SOCS2: variants seen among roughly 807,000 people sequenced by gnomAD.
The protein encoded by SOCS2 is CIS-2.
In SOCS2, 10 loss-of-function variants were observed where a neutral mutation model predicts 18.6. That is an observed-to-expected ratio of 0.54 (90% CI 0.33 to 0.91). SOCS2 has a LOEUF of 0.91. Among genes scored for constraint, SOCS2 ranks in the 40% least tolerant of loss-of-function variants. The pLI is 0.02. For missense variants in SOCS2, 231 were observed against 247.2 expected, an observed-to-expected ratio of 0.93 and a Z score of 0.44; for synonymous variants, 104 against 104.0, an observed-to-expected ratio of 1.00 and a Z score of 0.00.
downstream of SOCS2, among the ~76,000 whole-genome samples, chr12:93,584,278 A>C (rs1954570233): frequency 6.6e-6 from 1 of 152,056 alleles, no homozygotes; most frequent in South Asian, 2.1e-4. Flanking sequence ...TTAGGCTGTT[A>C]CCTCTCTCCC....
downstream of SOCS2, among the ~76,000 whole-genome samples, chr12:93,587,390 A>C (rs1424326297): frequency 6.6e-6 from 1 of 151,818 alleles, no homozygotes; most frequent in Non-Finnish European, 1.5e-5. Flanking sequence ...GACTTAAAAA[A>C]TCAGTTGGTG....
chr12:93,570,497 T>C (rs748386415), upstream of SOCS2: 7 of 152,178 alleles, frequency 4.6e-5, no homozygotes, highest in Non-Finnish European at 8.8e-5. Context: ...GAGAGTCTGG[T>C]TTCCGAGGAC....
chr12:93,614,555 CT>C, the SOCS2 span, among the ~76,000 whole-genome samples: 4 of 35,330 alleles, frequency 1.1e-4, no homozygotes, highest in African/African-American at 3.7e-4. Context: ...TTCTTTCTTT[CT>C]TTCTTTCTTT....
At chr12:93,619,330 AG>A in the SOCS2 span, among the ~76,000 whole-genome samples, 1 of 152,136 alleles carries the variant, frequency 6.6e-6, no homozygotes, top group Non-Finnish European at 1.5e-5. Context: ...CACAGTCCAT[AG>A]GGGTCAGACT....
At chr12:93,584,132 G>C (rs1415327600), downstream of SOCS2, among the ~76,000 whole-genome samples, 1 of 152,176 alleles carries the variant, frequency 6.6e-6, no homozygotes, top group Non-Finnish European at 1.5e-5. Context: ...TTCCTTGTAA[G>C]GTGGGGACAG....
the SOCS2 span, among the ~76,000 whole-genome samples, chr12:93,618,672 G>T: frequency 3.9e-5 from 6 of 152,304 alleles, no homozygotes; most frequent in African/African-American, 1.4e-4. Flanking sequence ...TGATTCCTTA[G>T]GTCCCAGCTC....
the SOCS2 span, among the ~76,000 whole-genome samples, chr12:93,614,540 C>CTTCCTTCT: frequency 5.4e-5 from 2 of 37,144 alleles, no homozygotes; most frequent in Non-Finnish European, 8.9e-5. Context: ...TCCTTCCTTC[C>CTTCCTTCT]TTCTTTCTTT....
At chr12:93,618,354 T>C in the SOCS2 span, among the ~76,000 whole-genome samples, 14 of 152,188 alleles carry the variant, frequency 9.2e-5, no homozygotes, top group Admixed American at 5.9e-4. Context: ...CAGAAGATGA[T>C]AGTTTTTAAA....
downstream of SOCS2, among the ~76,000 whole-genome samples, chr12:93,587,218 A>G (rs1954589999): frequency 6.6e-6 from 1 of 152,164 alleles, no homozygotes; most frequent in Admixed American, 6.5e-5. Context: ...GAGATTCTGT[A>G]TAGCAGAGAA....
the SOCS2 span, among the ~76,000 whole-genome samples, chr12:93,615,819 C>T: frequency 1.3e-5 from 2 of 152,230 alleles, no homozygotes; most frequent in East Asian, 1.9e-4. Flanking sequence ...TGGTCTCAAA[C>T]TCCTGCCTTC....
the SOCS2 span, among the ~76,000 whole-genome samples, chr12:93,597,297 T>C: frequency 1.3e-5 from 2 of 152,184 alleles, no homozygotes; most frequent in African/African-American, 4.8e-5. Flanking sequence ...CAGCTGCTGA[T>C]TTGTTACCTA....
chr12:93,607,742 G>T, the SOCS2 span, among the ~76,000 whole-genome samples: 2 of 152,086 alleles, frequency 1.3e-5, no homozygotes, highest in Admixed American at 6.6e-5. Context: ...ATAAAAATAC[G>T]CTGTCATTTG....
the SOCS2 span, among the ~76,000 whole-genome samples, chr12:93,613,114 A>G: frequency 0.015 from 2,360 of 152,366 alleles, 62 homozygotes; most frequent in African/African-American, 0.054. Context: ...AGAAAGGGCA[A>G]TGCCAAGGAA....
intron 1 of SOCS2, 74 bp from the exon 2 acceptor site, chr12:93,574,648 C>T: frequency 9.6e-7 from 1 of 1,044,888 alleles, no homozygotes. Context: ...TTGCCAATTA[C>T]TTGCTCTGTT....
At chr12:93,572,013 G>C (rs1036513362), upstream of SOCS2, 3 of 220,904 alleles carry the variant, frequency 1.4e-5, no homozygotes, top group Non-Finnish European at 2.8e-5. The surrounding 1 kb of genome is among the most constrained non-coding windows in gnomAD (Gnocchi z 5.0). Context: ...CTGCGCGCTC[G>C]GGCCGATTCC....
downstream of SOCS2, among the ~76,000 whole-genome samples, chr12:93,577,972 G>A (rs1365770212): frequency 1.3e-5 from 2 of 152,154 alleles, no homozygotes; most frequent in African/African-American, 2.4e-5. Flanking sequence ...ATTTATTATT[G>A]TTGTTGTTGA....
chr12:93,588,070 G>A (rs1460847367), downstream of SOCS2, among the ~76,000 whole-genome samples: 2 of 152,156 alleles, frequency 1.3e-5, no homozygotes. Flanking sequence ...TAAGATGTCT[G>A]GGATCTGTGA....
chr12:93,588,762 A>G, the SOCS2 span, among the ~76,000 whole-genome samples: 1 of 152,064 alleles, frequency 6.6e-6, no homozygotes, highest in Non-Finnish European at 1.5e-5. Context: ...GACTACAGGC[A>G]TGCACCACCA....
chr12:93,626,144 A>G, the SOCS2 span, among the ~76,000 whole-genome samples: 1 of 152,306 alleles, frequency 6.6e-6, no homozygotes, highest in Non-Finnish European at 1.5e-5. Context: ...TAGTTAAAGT[A>G]AAATGAGCCT....
Sources: allele counts gnomAD v4.1 joint callset (sites outside exome capture counted in the v4.1 genomes callset), GRCh38; gene constraint gnomAD v4.1.1; non-coding constraint Gnocchi (gnomAD v3.1); transcripts MANE v1.5; gene names NCBI Gene and HGNC (gene_info 2026-07-23, HGNC 2026-07-21).